GALNT17: variants seen among roughly 807,000 people sequenced by gnomAD.
The protein encoded by GALNT17 is polypeptide N-acetylgalactosaminyltransferase 17.
A neutral mutation model predicts 63.7 loss-of-function variants in GALNT17; 29 were observed. The ratio of observed to expected loss-of-function variants is 0.46; its 90% confidence interval spans 0.34 to 0.62. The LOEUF (loss-of-function observed/expected upper bound fraction) is 0.62. GALNT17 is among the 20% of genes least tolerant of loss of function. GALNT17 has a pLI of 0.01. For synonymous variants in GALNT17, 305 were observed against 318.3 expected (o/e 0.96, Z 0.45); for missense variants, 603 against 799.6 (o/e 0.75, Z 2.97).
intron 1 of GALNT17, among the ~76,000 whole-genome samples, chr7:71,302,767 C>T (rs1791224310): frequency 6.6e-6 from 1 of 152,140 alleles, no homozygotes; most frequent in South Asian, 2.1e-4. Context: ...TTCCCCCTTT[C>T]AACATGGGGT....
At chr7:71,405,936 G>T (rs538132139) in intron 3 of GALNT17, among the ~76,000 whole-genome samples, 6 of 152,282 alleles carry the variant, frequency 3.9e-5, no homozygotes, top group African/African-American at 1.4e-4. Flanking sequence ...GGGGTCGATC[G>T]TGCCTTTACC....
Position 71,665,423 on chromosome 7 carries a change from G to C in GALNT17, c.1093G>C (p.Gly365Arg). 6.2e-7 allele frequency: 1 copy of C among 1,610,722 alleles called. No individual in the cohort carries two copies. Among genetic ancestry groups the C allele is most frequent in the Middle Eastern group, 2.1e-4 (1 of 4,674 alleles). ...TTTGTACCCCTAGGTATGGCTCTGT[G>C]GGGGCAGCATGGAGGTCCTTCCTTG... is the stretch of plus-strand genomic sequence containing the variant. ...IELGIKVWLC[G>R]GSMEVLPCSR... The change falls in exon 7 of 11, where the codon GGG becomes CGG. Residue 365 changes from glycine to arginine, a missense_variant. Gly to Arg is a moderately radical substitution (Grantham distance 125). Around this residue, in one of 3 missense-constraint regions of GALNT17, gnomAD observed 336 missense variants for 507.8 expected, o/e 0.66. Transcript: ENST00000333538.
chr7:71,194,035 T>G (rs948125113), intron 1 of GALNT17, among the ~76,000 whole-genome samples: 2 of 152,144 alleles, frequency 1.3e-5, no homozygotes, highest in Non-Finnish European at 2.9e-5. Flanking sequence ...CTCTAACCAA[T>G]CATCTGCTTT....
At chr7:71,381,495 C>T (rs766449705) in intron 2 of GALNT17, among the ~76,000 whole-genome samples, 2 of 152,048 alleles carry the variant, frequency 1.3e-5, no homozygotes, top group Non-Finnish European at 2.9e-5. Flanking sequence ...GCCTGCAGAG[C>T]AGGCCAGGTG....
At chr7:71,141,679 C>CTTT (rs772422312) in intron 1 of GALNT17, among the ~76,000 whole-genome samples, 11,839 of 139,306 alleles carry the variant, frequency 0.085, 713 homozygotes, top group Non-Finnish European at 0.13. Context: ...TTCTTTCTTT[C>CTTT]TTTTTTTTTT....
intron 1 of GALNT17, among the ~76,000 whole-genome samples, chr7:71,155,482 C>T (rs745592881): frequency 4.0e-5 from 6 of 151,720 alleles, no homozygotes; most frequent in East Asian, 1.9e-4. Context: ...CCATGTTGCC[C>T]GGGCTGGTCT....
At chr7:71,577,587 G>C in intron 6 of GALNT17, among the ~76,000 whole-genome samples, 1 of 152,108 alleles carries the variant, frequency 6.6e-6, no homozygotes, top group East Asian at 1.9e-4. Flanking sequence ...TCTTCTTGTT[G>C]GGTTCCCTGT....
At chr7:71,265,119 T>TATATATATATATATATA (rs58855212) in intron 1 of GALNT17, among the ~76,000 whole-genome samples, 8 of 14,382 alleles carry the variant, frequency 5.6e-4, no homozygotes, top group East Asian at 9.1e-3. Context: ...TATATATATA[T>TATATATATATATATATA]TTTTTTTTTT....
intron 6 of GALNT17, among the ~76,000 whole-genome samples, chr7:71,576,202 T>G (rs772893354): frequency 2.0e-4 from 30 of 152,218 alleles, no homozygotes; most frequent in Non-Finnish European, 3.7e-4. Flanking sequence ...GGGGAGTCCT[T>G]TCTAAAGGAA....
intron 5 of GALNT17, among the ~76,000 whole-genome samples, chr7:71,524,682 T>C (rs1457690596): frequency 6.6e-6 from 1 of 152,232 alleles, no homozygotes; most frequent in South Asian, 2.1e-4. Flanking sequence ...AATGACTTAC[T>C]GTAGGTCTCT....
chr7:71,317,027 A>G (rs1434040041), intron 1 of GALNT17, among the ~76,000 whole-genome samples: 1 of 152,198 alleles, frequency 6.6e-6, no homozygotes, highest in African/African-American at 2.4e-5. Flanking sequence ...CTTGAGTGAA[A>G]TATCCCAACT....
At chr7:71,628,767 C>T (rs767771829) in intron 6 of GALNT17, among the ~76,000 whole-genome samples, 41 of 151,714 alleles carry the variant, frequency 2.7e-4, no homozygotes, top group Non-Finnish European at 5.3e-4. Flanking sequence ...CGCGTCTCTA[C>T]TCATAATATA....
chr7:71,275,143 G>A (rs1790660228), intron 1 of GALNT17, among the ~76,000 whole-genome samples: 3 of 152,108 alleles, frequency 2.0e-5, no homozygotes, highest in Non-Finnish European at 4.4e-5. Flanking sequence ...TAATCTCTCC[G>A]GCACCTCTCA....
chr7:71,580,399 T>TGATAGATAGATAGATA (rs59745749), intron 6 of GALNT17, among the ~76,000 whole-genome samples: 3 of 147,588 alleles, frequency 2.0e-5, no homozygotes, highest in African/African-American at 5.0e-5. Flanking sequence ...GATAGATGGA[T>TGATAGATAGATAGATA]GATAGATAGA....
intron 6 of GALNT17, among the ~76,000 whole-genome samples, chr7:71,604,361 C>A (rs1790015845): frequency 6.6e-6 from 1 of 152,146 alleles, no homozygotes; most frequent in African/African-American, 2.4e-5. Flanking sequence ...ACAGTAGATA[C>A]TATGCTAAAT....
intron 1 of GALNT17, among the ~76,000 whole-genome samples, chr7:71,151,465 C>G (rs1788130808): frequency 6.6e-6 from 1 of 151,604 alleles, no homozygotes; most frequent in South Asian, 2.1e-4. Flanking sequence ...ACTAAAAATA[C>G]AAAAAATTAG....
chr7:71,627,446 A>T (rs1790390413), intron 6 of GALNT17, among the ~76,000 whole-genome samples: 1 of 152,144 alleles, frequency 6.6e-6, no homozygotes. Context: ...AAAAGAAAGA[A>T]ACAGCCTTTC....
rs565827077 is a variant in GALNT17, at chr7:71,363,092, G to A, written c.423-25143G>A. ...AGTGATTCTCCTGCCTCAGCCTCCTGAGTAGCTGGGATTGCAGGCACGCAC... is the reference window on the plus strand; with the variant it reads ...AGTGATTCTCCTGCCTCAGCCTCCTAAGTAGCTGGGATTGCAGGCACGCAC... On this transcript the variant is annotated intron_variant, in intron 2 of 10. Transcript: ENST00000333538. Among the ~76,000 whole-genome samples the A allele has an allele frequency of 4.6e-5, 7 of 152,018 alleles. No homozygotes were observed. The South Asian group carries it at 1.5e-3, about 32-fold the overall frequency.
intron 1 of GALNT17, among the ~76,000 whole-genome samples, chr7:71,217,882 C>T (rs981417662): frequency 6.6e-6 from 1 of 151,408 alleles, no homozygotes; most frequent in Non-Finnish European, 1.5e-5. Flanking sequence ...GAGCCGAGAT[C>T]GCACCACTGC....
Sources: allele counts gnomAD v4.1 joint callset (sites outside exome capture counted in the v4.1 genomes callset), GRCh38; gene constraint gnomAD v4.1.1; regional missense constraint gnomAD v4.1.1; transcripts MANE v1.5; gene names NCBI Gene and HGNC (gene_info 2026-07-23, HGNC 2026-07-21).